The following TTC39C variants were observed in gnomAD, a reference collection of about 807,000 sequenced individuals.
TTC39C encodes tetratricopeptide repeat domain 39C, also known as tetratricopeptide repeat protein 39C.
A neutral mutation model predicts 76.3 loss-of-function variants in TTC39C; 33 were observed. That is an observed-to-expected ratio of 0.43 (90% confidence interval 0.33 to 0.58). TTC39C has a LOEUF of 0.58. Among genes scored for constraint, TTC39C ranks in the 20% least tolerant of loss-of-function variants. The pLI is 0.04. For synonymous variants in TTC39C, 254 were observed against 260.6 expected, an observed-to-expected ratio of 0.97 and a Z score of 0.24; for missense variants, 595 against 701.4, an observed-to-expected ratio of 0.85 and a Z score of 1.71.
chr18:24,122,546 T>C (rs1037045260), intron 8 of TTC39C, among the ~76,000 whole-genome samples: 5 of 148,216 alleles, frequency 3.4e-5, no homozygotes, highest in African/African-American at 1.3e-4. Flanking sequence ...AAGTCAACTT[T>C]AGTGCATTCC....
chr18:24,030,131 CTTG>C (rs2083649688), intron 1 of TTC39C, among the ~76,000 whole-genome samples: 1 of 152,044 alleles, frequency 6.6e-6, no homozygotes, highest in Admixed American at 6.5e-5. Flanking sequence ...TTAAGTAGTT[CTTG>C]TTGAAGGATG....
In TTC39C at chr18:24,123,925, A is replaced by G; in HGVS notation, c.1278A>G (p.Glu426=). 3.7e-6 allele frequency: 6 copies of G among 1,611,344 alleles called. No individual in the cohort carries two copies. Among genetic ancestry groups the G allele is most frequent in the Non-Finnish European group, 5.1e-6 (6 of 1,179,052 alleles). ...KLFKRKNNQI[E]QFSVKKAERF... ...TCAAAAGGAAAAACAATCAGATTGA[A>G]CAGTTCTCGGTGAAAAAGGTATGTT... The change falls in exon 9 of 14, where the codon GAA becomes GAG. Residue 426 remains glutamate, a synonymous_variant. Coordinates refer to ENST00000317571, the MANE Select transcript of TTC39C (RefSeq NM_001135993.2).
Position 24,130,431 on chromosome 18 carries a change from TATATA to T in TTC39C, c.1623+25_1623+29del, listed in dbSNP as rs761614036. ...GACAAACCAGAGGTAAGATCTTATA[TATATA>T]ATATAATATATATTTTTAATGTTGT... On this transcript the variant is annotated intron_variant, in intron 12 of 13. Coordinates refer to ENST00000317571, the MANE Select transcript of TTC39C (RefSeq NM_001135993.2). The T allele has an allele frequency of 1.2e-5, 12 of 1,030,028 alleles. No individual in the cohort carries two copies. The South Asian group carries it at 1.5e-4, about 13-fold the overall frequency. The allele number at this position is 1,030,028 out of a possible 1,614,324, so 63.8% of individuals were successfully genotyped here.
chr18:24,052,439 A>C (rs2083962417), intron 1 of TTC39C, among the ~76,000 whole-genome samples: 3 of 152,192 alleles, frequency 2.0e-5, no homozygotes, highest in Admixed American at 1.3e-4. Context: ...ATTTTTCCTA[A>C]AGCCCTAAGT....
intron 1 of TTC39C, among the ~76,000 whole-genome samples, chr18:23,997,396 C>T (rs1318338567): frequency 9.9e-5 from 15 of 151,642 alleles, no homozygotes; most frequent in Admixed American, 3.3e-4. Flanking sequence ...ACTAAAAATA[C>T]GAAAATTAGC....
At chr18:24,023,584 T>A (rs1005161368) in intron 1 of TTC39C, among the ~76,000 whole-genome samples, 2 of 152,126 alleles carry the variant, frequency 1.3e-5, no homozygotes, top group Non-Finnish European at 2.9e-5. Context: ...GCTTCTCCCA[T>A]CTGATCCCTT....
chr18:24,069,059 G>T (rs2084204396), intron 3 of TTC39C, 98 bp from the exon 4 acceptor site: 2 of 1,003,898 alleles, frequency 2.0e-6, no homozygotes, highest in South Asian at 1.6e-5. Context: ...TTCACAATTC[G>T]TATGTGAAAT....
rs182172307 is a variant in TTC39C, at chr18:24,112,007, T to C, written c.985-2547T>C. 2.0e-5 allele frequency among the ~76,000 whole-genome samples: 3 copies of C among 152,284 alleles called. No individual in the cohort carries two copies. The East Asian group carries it at 5.8e-4, about 29-fold the overall frequency. The stretch of plus-strand genomic sequence containing the variant: ...ATAATTCCTCACTCAATGATCAGGA[T>C]AGAACTAGAATGAATTCTGTAGTTC... On this transcript the variant is annotated intron_variant, in intron 6 of 13. Coordinates refer to ENST00000317571, the MANE Select transcript of TTC39C (RefSeq NM_001135993.2).
intron 4 of TTC39C, 98 bp downstream of exon 4, chr18:24,069,369 C>G: frequency 1.1e-6 from 1 of 947,958 alleles, no homozygotes. Context: ...TCTTTGAACA[C>G]ATGTGGCACC....
At chr18:24,009,117 G>A (rs529034373) in intron 1 of TTC39C, among the ~76,000 whole-genome samples, 3 of 152,220 alleles carry the variant, frequency 2.0e-5, no homozygotes, top group Admixed American at 2.0e-4. Flanking sequence ...TTAGAACCTG[G>A]GTGATGAAAT....
rs1331693782 is a variant in TTC39C at position 24,134,258 on chromosome 18, T to G, written c.*1684T>G. The G allele has an allele frequency of 2.4e-4, 5 of 20,832 alleles. No homozygotes were observed. Among genetic ancestry groups the G allele is most frequent in the East Asian group, 1.4e-3 (1 of 736 alleles). The allele number at this position is 20,832 out of a possible 1,614,324, so 1.3% of individuals were successfully genotyped here. The stretch of plus-strand genomic sequence containing the variant: ...GGTGCCCAAAAATATTGGACATCTG[T>G]TTTTTGTTTTTTTTTTTTTTTTTTT... On this transcript the variant is annotated 3_prime_UTR_variant, in exon 14 of 14. Coordinates refer to ENST00000317571, the MANE Select transcript of TTC39C (RefSeq NM_001135993.2).
chr18:24,067,941 T>G (rs1320065299), intron 3 of TTC39C, among the ~76,000 whole-genome samples: 1 of 152,220 alleles, frequency 6.6e-6, no homozygotes, highest in Non-Finnish European at 1.5e-5. Flanking sequence ...CTTTAGTTCT[T>G]TCTACGTGTC....
Position 24,130,321 on chromosome 18 carries a change from G to C in TTC39C, c.1527G>C (p.Gln509His). 6.4e-7 allele frequency: 1 copy of C among 1,567,374 alleles called. No homozygotes were observed. The highest frequency in any genetic ancestry group is 8.7e-7 in the Non-Finnish European group (1 of 1,154,110). The change falls in exon 12 of 14, where the codon CAG becomes CAC. Residue 509 changes from glutamine (Q) to histidine (H), a missense_variant. By Grantham distance (24) the Gln-to-His change is conservative. Coordinates refer to ENST00000317571, the MANE Select transcript of TTC39C (RefSeq NM_001135993.2). ...GNSEDAVQYF[Q>H]RAVKDELCRQ... ...ATTTGCATTCCTTTCAGTACTTCCA[G>C]CGAGCTGTTAAAGATGAATTGTGTC...
intron 5 of TTC39C, among the ~76,000 whole-genome samples, chr18:24,081,441 A>T (rs1419522613): frequency 6.6e-6 from 1 of 152,212 alleles, no homozygotes; most frequent in Non-Finnish European, 1.5e-5. Context: ...AATAATAATT[A>T]TTTAAGCAGG....
intron 1 of TTC39C, among the ~76,000 whole-genome samples, chr18:23,999,843 T>C (rs781641365): frequency 6.6e-5 from 10 of 152,230 alleles, no homozygotes; most frequent in Non-Finnish European, 8.8e-5. Flanking sequence ...TCCAAGTAGT[T>C]CCCTTCCTGA....
At chr18:24,019,124 G>A (rs2083490214) in intron 1 of TTC39C, among the ~76,000 whole-genome samples, 1 of 152,138 alleles carries the variant, frequency 6.6e-6, no homozygotes, top group African/African-American at 2.4e-5. Flanking sequence ...TGAAGCACAT[G>A]GAGGCCTGAG....
intron 1 of TTC39C, among the ~76,000 whole-genome samples, chr18:24,001,349 G>C (rs983549881): frequency 1.3e-5 from 2 of 152,174 alleles, no homozygotes; most frequent in African/African-American, 4.8e-5. Context: ...GCCAAGGTCC[G>C]TGAAAAATAT....
intron 1 of TTC39C, among the ~76,000 whole-genome samples, chr18:24,063,280 CTT>C (rs1386341023): frequency 6.6e-6 from 1 of 152,136 alleles, no homozygotes; most frequent in Admixed American, 6.5e-5. Context: ...ATGGCTGACT[CTT>C]AGCGAGGCAT....
intron 6 of TTC39C, among the ~76,000 whole-genome samples, chr18:24,101,866 A>G (rs530846485): frequency 6.6e-6 from 1 of 152,280 alleles, no homozygotes; most frequent in Non-Finnish European, 1.5e-5. Context: ...TTCTTTGATA[A>G]CATCTTAACA....
Sources: gnomAD v4.1 joint callset for allele counts (sites outside exome capture counted in the v4.1 genomes callset) on GRCh38, gnomAD v4.1.1 for gene constraint, MANE v1.5 for transcripts, NCBI Gene and HGNC (gene_info 2026-07-23, HGNC 2026-07-21) for gene names.